MCCC1: variants seen among roughly 807,000 people sequenced by gnomAD.
MCCC1 encodes the protein methylcrotonyl-CoA carboxylase subunit 1, also known as methylcrotonoyl-CoA carboxylase subunit alpha, mitochondrial.
MCCC1 carries 64 observed loss-of-function variants against 83.8 expected under a neutral mutation model. That is an observed-to-expected ratio of 0.76 (90% confidence interval 0.62 to 0.94). MCCC1 has a LOEUF of 0.94. Among genes scored for constraint, MCCC1 ranks in the 40% least tolerant of loss-of-function variants. The pLI, the probability that MCCC1 is intolerant of heterozygous loss-of-function variation, is 0.00. For missense variants in MCCC1, 807 were observed against 904.7 expected (o/e 0.89, Z 1.39); for synonymous variants, 322 against 315.4 (o/e 1.02, Z -0.22).
intron 1 of MCCC1, among the ~76,000 whole-genome samples, chr3:183,106,045 C>T (rs748142809): frequency 2.1e-5 from 3 of 141,476 alleles, no homozygotes; most frequent in Middle Eastern, 7.9e-3. Context: ...GCCCAGATCG[C>T]GCCATTACAC....
At chr3:183,017,997 A>G (rs377056842) in intron 17 of MCCC1, among the ~76,000 whole-genome samples, 54 of 146,584 alleles carry the variant, frequency 3.7e-4, no homozygotes, top group East Asian at 2.9e-3. Context: ...TGGTCAAATC[A>G]GAGGCCTACA....
rs1026621662 is a variant in MCCC1, at chr3:183,057,400, C to T, written c.784G>A (p.Gly262Ser). 6.2e-7 allele frequency: 1 copy of T among 1,607,964 alleles called. No homozygotes were observed. Among genetic ancestry groups the T allele is most frequent in the African/African-American group, 1.3e-5 (1 of 74,988 alleles). ...TACACAGCATTGCCATGGTGATCAC[C>T]AAACACCTGGACTTCTACATGCCTA... ...TPRHVEVQVF[G>S]DHHGNAVYLF... Residue 262 changes from glycine to serine, a missense_variant, in exon 8 of 19, where the codon GGT (glycine) becomes AGT (serine). Transcript: ENST00000265594.
intron 7 of MCCC1, among the ~76,000 whole-genome samples, chr3:183,061,313 C>T (rs1715817081): frequency 6.6e-6 from 1 of 152,150 alleles, no homozygotes; most frequent in Admixed American, 6.5e-5. Flanking sequence ...GGTTGGCTAA[C>T]TACCTTCCCC....
rs148832155 is a variant in MCCC1 at position 183,089,391 on chromosome 3, T to G, written c.274-2603A>C. Among the ~76,000 whole-genome samples the G allele has an allele frequency of 1.3e-3, 192 of 152,258 alleles. 1 individual carries two copies. Among genetic ancestry groups the G allele is most frequent in the African/African-American group, 4.4e-3 (183 of 41,562 alleles). On this transcript the variant is annotated intron_variant, in intron 3 of 18. Coordinates refer to ENST00000265594, the MANE Select transcript of MCCC1 (RefSeq NM_020166.5). ...TAGTGGGGCTGGGCATGGTGGCTTATGCCTATAATCCCTATAATCCCAGCG... is the reference window on the plus strand; with the variant it reads ...TAGTGGGGCTGGGCATGGTGGCTTAGGCCTATAATCCCTATAATCCCAGCG...
At chr3:183,098,018 C>G (rs1718868180) in intron 1 of MCCC1, among the ~76,000 whole-genome samples, 1 of 152,168 alleles carries the variant, frequency 6.6e-6, no homozygotes, top group African/African-American at 2.4e-5. Context: ...GGGTTCACAC[C>G]ATTCTCCTGC....
chr3:183,056,186 T>C (rs1577304250), intron 8 of MCCC1, among the ~76,000 whole-genome samples: 2 of 152,286 alleles, frequency 1.3e-5, no homozygotes, highest in East Asian at 3.9e-4. Context: ...TATGTCAATA[T>C]TCATGGCATA....
rs114591747 is a variant in MCCC1 at position 183,030,340 on chromosome 3, A to C, written c.1681+3651T>G. 6.6e-3 allele frequency among the ~76,000 whole-genome samples: 1,010 copies of C among 152,162 alleles called. 9 individuals carry two copies. The highest frequency in any genetic ancestry group is 0.023 in the African/African-American group (948 of 41,540). Reference sequence around the variant, plus strand: ...AAAACACAAAAAACCAATACACACAAAAAAAATTCCCCATATATGCCCCCA... The same window carrying C: ...AAAACACAAAAAACCAATACACACACAAAAAATTCCCCATATATGCCCCCA... On this transcript the variant is annotated intron_variant, in intron 14 of 18. Coordinates refer to ENST00000265594, the MANE Select transcript of MCCC1 (RefSeq NM_020166.5).
chr3:183,017,392 T>C (rs1284123240), intron 17 of MCCC1, 55 bp from the exon 18 acceptor site: 2 of 1,522,838 alleles, frequency 1.3e-6, no homozygotes, highest in South Asian at 1.1e-5. Flanking sequence ...CCTAGATATG[T>C]TCATCTGCTT....
chr3:183,028,676 G>A (rs1712803144), intron 14 of MCCC1, among the ~76,000 whole-genome samples: 1 of 152,220 alleles, frequency 6.6e-6, no homozygotes, highest in South Asian at 2.1e-4. Flanking sequence ...TGCAGATGTG[G>A]TAGAAATAGT....
chr3:183,113,812 G>A (rs1393736243), intron 1 of MCCC1, among the ~76,000 whole-genome samples: 1 of 152,088 alleles, frequency 6.6e-6, no homozygotes, highest in African/African-American at 2.4e-5. Flanking sequence ...CCTGAGGAGG[G>A]AGTTGTGGAA....
intron 11 of MCCC1, among the ~76,000 whole-genome samples, chr3:183,040,569 A>AAAAAC: frequency 6.6e-6 from 1 of 150,578 alleles, no homozygotes. Context: ...AAAAAAAAAA[A>AAAAAC]AAAATTAGCT....
chr3:183,052,887 G>T, intron 8 of MCCC1, among the ~76,000 whole-genome samples: 1 of 145,120 alleles, frequency 6.9e-6, no homozygotes, highest in East Asian at 2.0e-4. Context: ...CTACGCTATT[G>T]TTTTTTTAAT....
At chr3:183,100,886 G>A (rs930817466), upstream of MCCC1, among the ~76,000 whole-genome samples, 9 of 152,270 alleles carry the variant, frequency 5.9e-5, no homozygotes, top group Admixed American at 1.3e-4. Context: ...AGCTTGCAGG[G>A]AGGTGTGGAG....
At chr3:183,036,350 T>C (rs186565943) in intron 13 of MCCC1, among the ~76,000 whole-genome samples, 1 of 152,136 alleles carries the variant, frequency 6.6e-6, no homozygotes, top group Non-Finnish European at 1.5e-5. Context: ...CAATAAGTCA[T>C]GGGTAACCCT....
At chr3:183,096,809 G>C (rs192326992) in intron 1 of MCCC1, among the ~76,000 whole-genome samples, 56 of 152,230 alleles carry the variant, frequency 3.7e-4, no homozygotes, top group African/African-American at 1.3e-3. Context: ...CATCTTTCCT[G>C]ATCTTTATGA....
chr3:183,050,959 G>C (rs1053670921), intron 9 of MCCC1, among the ~76,000 whole-genome samples: 2 of 152,140 alleles, frequency 1.3e-5, no homozygotes, highest in Non-Finnish European at 2.9e-5. Flanking sequence ...ATGTCATTAG[G>C]GAAGTGCAAA....
intron 4 of MCCC1, among the ~76,000 whole-genome samples, chr3:183,076,521 G>A (rs972200931): frequency 6.6e-6 from 1 of 152,100 alleles, no homozygotes; most frequent in Non-Finnish European, 1.5e-5. Context: ...TTTCTCTTGG[G>A]TAAATACCCA....
At chr3:183,110,761 T>C (rs1719479139) in intron 1 of MCCC1, among the ~76,000 whole-genome samples, 1 of 152,244 alleles carries the variant, frequency 6.6e-6, no homozygotes, top group Non-Finnish European at 1.5e-5. Context: ...CTAGGACTTC[T>C]ATAGTTTTAG....
At chr3:183,092,818 T>C (rs1718464033) in intron 2 of MCCC1, among the ~76,000 whole-genome samples, 1 of 152,236 alleles carries the variant, frequency 6.6e-6, no homozygotes. Flanking sequence ...AGATGCTTTG[T>C]TATGCCAAGG....
Sources: allele counts gnomAD v4.1 joint callset (sites outside exome capture counted in the v4.1 genomes callset), GRCh38; gene constraint gnomAD v4.1.1; transcripts MANE v1.5; gene names NCBI Gene and HGNC (gene_info 2026-07-23, HGNC 2026-07-21).